APBA2: variants seen among roughly 807,000 people sequenced by gnomAD.
APBA2 encodes amyloid beta precursor protein binding family A member 2.
In APBA2, 30 loss-of-function variants were observed where a neutral mutation model predicts 75.0. That is an observed-to-expected ratio of 0.40 (90% confidence interval 0.30 to 0.54). APBA2 has a LOEUF of 0.54. APBA2 is among the 20% of genes least tolerant of loss of function. The pLI, the probability that APBA2 is intolerant of heterozygous loss-of-function variation, is 0.49. For synonymous variants in APBA2, 444 were observed against 409.6 expected (o/e 1.08, Z -1.01); for missense variants, 801 against 1,016.1 (o/e 0.79, Z 2.88).
chr15:29,071,731 C>G (rs1159846030), intron 4 of APBA2, among the ~76,000 whole-genome samples: 1 of 151,178 alleles, frequency 6.6e-6, no homozygotes. Context: ...AGAAGCATCA[C>G]AAGCCCACCC....
chr15:29,060,471 C>T (rs1332237594), intron 4 of APBA2, among the ~76,000 whole-genome samples: 1 of 152,208 alleles, frequency 6.6e-6, no homozygotes, highest in Admixed American at 6.5e-5. Flanking sequence ...GCGTTTGAGC[C>T]TGCCTGCTGG....
intron 4 of APBA2, among the ~76,000 whole-genome samples, chr15:29,059,320 A>G (rs1266808021): frequency 6.6e-6 from 1 of 152,208 alleles, no homozygotes; most frequent in Non-Finnish European, 1.5e-5. Flanking sequence ...TACATGTGCT[A>G]GAGAAGCTTC....
chr15:28,971,746 GAAGT>G (rs1423990207), intron 2 of APBA2, among the ~76,000 whole-genome samples: 1 of 152,224 alleles, frequency 6.6e-6, no homozygotes, highest in Non-Finnish European at 1.5e-5. Context: ...GTACTTTAGA[GAAGT>G]AAGAGAAGAG....
At chr15:28,900,663 G>A (rs1481821531) in intron 1 of APBA2, among the ~76,000 whole-genome samples, 1 of 152,130 alleles carries the variant, frequency 6.6e-6, no homozygotes, top group African/African-American at 2.4e-5. Context: ...GTCGGGGGCC[G>A]CTTCCCTGCG....
chr15:28,971,448 C>A (rs1483613004), intron 2 of APBA2, among the ~76,000 whole-genome samples: 2 of 152,138 alleles, frequency 1.3e-5, no homozygotes, highest in East Asian at 1.9e-4. Context: ...CCATCAGGAC[C>A]GGGCACAGGA....
intron 13 of APBA2, 133 bp downstream of exon 13, chr15:29,108,522 G>T (rs1314028981): frequency 7.0e-7 from 1 of 1,434,332 alleles, no homozygotes. Flanking sequence ...GCTGCCCACA[G>T]CCAGGCCACC....
chr15:28,970,639 C>T (rs748445722), intron 2 of APBA2: 11 of 151,434 alleles, frequency 7.3e-5, no homozygotes, highest in South Asian at 2.1e-4. Context: ...CACCTGAAAG[C>T]GTCCTGGAAA....
At chr15:28,889,945 A>G (rs2032017915) in intron 1 of APBA2, among the ~76,000 whole-genome samples, 1 of 152,204 alleles carries the variant, frequency 6.6e-6, no homozygotes, top group Non-Finnish European at 1.5e-5. Flanking sequence ...TTACCACTCA[A>G]TTGTAAAAGA....
At chr15:29,018,080 A>G (rs564288717) in intron 3 of APBA2, among the ~76,000 whole-genome samples, 1 of 152,286 alleles carries the variant, frequency 6.6e-6, no homozygotes, top group Non-Finnish European at 1.5e-5. Flanking sequence ...ATCACCTGGA[A>G]GCATTAAAAA....
chr15:28,930,149 G>A (rs749493809), intron 2 of APBA2, among the ~76,000 whole-genome samples: 2 of 152,258 alleles, frequency 1.3e-5, no homozygotes, highest in East Asian at 1.9e-4. Context: ...TCCAGCCCCC[G>A]CCAGTATAGG....
At chr15:28,894,670 G>T (rs1009654886) in intron 1 of APBA2, among the ~76,000 whole-genome samples, 7 of 152,318 alleles carry the variant, frequency 4.6e-5, no homozygotes, top group African/African-American at 1.7e-4. Flanking sequence ...GCCCTAGAGA[G>T]TCCTTGCTGT....
At chr15:28,905,063 C>T (rs1157459941) in intron 1 of APBA2, among the ~76,000 whole-genome samples, 1 of 152,178 alleles carries the variant, frequency 6.6e-6, no homozygotes, top group African/African-American at 2.4e-5. Flanking sequence ...AGCCCTCCCC[C>T]AGTTCCTCAA....
chr15:28,949,481 T>TA (rs1388426666), intron 2 of APBA2, among the ~76,000 whole-genome samples: 3 of 152,162 alleles, frequency 2.0e-5, no homozygotes, highest in African/African-American at 7.2e-5. Flanking sequence ...CTTCTGTTGT[T>TA]TTTTTGAGAC....
chr15:28,954,532 C>G (rs1478997886), intron 2 of APBA2, among the ~76,000 whole-genome samples: 6 of 152,148 alleles, frequency 3.9e-5, no homozygotes, highest in Non-Finnish European at 8.8e-5. Flanking sequence ...CTGGTAACCC[C>G]CCACCATGCA....
chr15:28,960,389 A>C (rs1051670860), intron 2 of APBA2, among the ~76,000 whole-genome samples: 3 of 151,626 alleles, frequency 2.0e-5, no homozygotes, highest in Non-Finnish European at 4.4e-5. Context: ...CCTGAGCCTG[A>C]GAGGTTGAGG....
At chr15:28,917,455 A>C (rs2152662384) in intron 1 of APBA2, among the ~76,000 whole-genome samples, 1 of 152,232 alleles carries the variant, frequency 6.6e-6, no homozygotes, top group South Asian at 2.1e-4. Context: ...TCCCATTCTC[A>C]CATTTAGCCT....
chr15:28,995,010 C>A (rs1024466901), intron 2 of APBA2, among the ~76,000 whole-genome samples: 1 of 152,182 alleles, frequency 6.6e-6, no homozygotes, highest in African/African-American at 2.4e-5. Flanking sequence ...GAGGGAGAGG[C>A]AGAATTCAGA....
At chr15:29,067,898 C>T (rs751181501) in intron 4 of APBA2, among the ~76,000 whole-genome samples, 7 of 152,112 alleles carry the variant, frequency 4.6e-5, no homozygotes, top group African/African-American at 1.7e-4. Flanking sequence ...TAAGACTAAT[C>T]TTATTGACTG....
intron 8 of APBA2, among the ~76,000 whole-genome samples, chr15:29,097,498 A>G (rs116967410): frequency 6.6e-6 from 1 of 152,358 alleles, no homozygotes; most frequent in Non-Finnish European, 1.5e-5. Flanking sequence ...ACTCTGGGTA[A>G]TTGTTAAAAT....
Sources: allele counts gnomAD v4.1 joint callset (sites outside exome capture counted in the v4.1 genomes callset), GRCh38; gene constraint gnomAD v4.1.1; transcripts MANE v1.5; gene names NCBI Gene and HGNC (gene_info 2026-07-23, HGNC 2026-07-21).